Variants in SCGB2B2 observed in about 807,000 individuals in gnomAD.
The protein encoded by SCGB2B2 is secretoglobin family 2B member 2.
SCGB2B2 carries 11 observed loss-of-function variants against 7.6 expected under a neutral mutation model. That is an observed-to-expected ratio of 1.45 (90% CI 0.91 to 2.40). SCGB2B2 has a LOEUF of 2.40. SCGB2B2 is among the 30% of genes most tolerant of loss of function. SCGB2B2 has a pLI of 0.00. For synonymous variants in SCGB2B2, 50 were observed against 48.6 expected, an observed-to-expected ratio of 1.03 and a Z score of -0.12; for missense variants, 104 against 115.4, an observed-to-expected ratio of 0.90 and a Z score of 0.45.
chr19:34,606,918 G>A (rs1014722953), intron 1 of SCGB2B2, among the ~76,000 whole-genome samples: 8 of 152,030 alleles, frequency 5.3e-5, no homozygotes, highest in South Asian at 2.1e-4. Context: ...AGATAAAGGC[G>A]GACTCCTCTC....
At chr19:34,589,174 C>T (rs185383166), downstream of SCGB2B2, among the ~76,000 whole-genome samples, 182 of 152,256 alleles carry the variant, frequency 1.2e-3, 1 homozygote, top group African/African-American at 4.1e-3. Flanking sequence ...AACACTTAGA[C>T]GTACTGCCCA....
At chr19:34,642,163 G>A (rs575769952) in intron 1 of SCGB2B2, among the ~76,000 whole-genome samples, 318 of 152,326 alleles carry the variant, frequency 2.1e-3, no homozygotes, top group Non-Finnish European at 3.8e-3. Flanking sequence ...TTGAGCAGAC[G>A]ATAAAAGATC....
intron 1 of SCGB2B2, 31 bp downstream of exon 1, chr19:34,675,599 C>T (rs2067903231): frequency 6.6e-6 from 1 of 152,296 alleles, no homozygotes; most frequent in African/African-American, 2.4e-5. Flanking sequence ...CAGCCAAAAC[C>T]CACCAAAATC....
chr19:34,641,258 C>G (rs1017513644), intron 1 of SCGB2B2, among the ~76,000 whole-genome samples: 1 of 152,164 alleles, frequency 6.6e-6, no homozygotes, highest in Admixed American at 6.5e-5. Context: ...TGCACTGTAT[C>G]CTGTCAAATC....
intron 1 of SCGB2B2, among the ~76,000 whole-genome samples, chr19:34,668,912 TAAG>T (rs1359932289): frequency 6.6e-6 from 1 of 152,148 alleles, no homozygotes; most frequent in Non-Finnish European, 1.5e-5. Context: ...TGGGGCCAGA[TAAG>T]AGAGTAAAAG....
chr19:34,636,844 C>A (rs553832991), intron 1 of SCGB2B2, among the ~76,000 whole-genome samples: 31 of 152,074 alleles, frequency 2.0e-4, no homozygotes, highest in Non-Finnish European at 4.3e-4. Flanking sequence ...CCAGTCCCCG[C>A]CAGAGTCCCT....
rs1253090640 is a variant in SCGB2B2 at position 34,593,604 on chromosome 19, T to C, written c.247-5A>G. ...GTTGCTCTGAAGGATCTTCTTCTGTTGGAAAAAGAAGAAAGAGAGGAGCCG... is the reference window on the plus strand; with the variant it reads ...GTTGCTCTGAAGGATCTTCTTCTGTCGGAAAAAGAAGAAAGAGAGGAGCCG... On this transcript the variant is annotated splice_region_variant and splice_polypyrimidine_tract_variant and intron_variant, in intron 3 of 3. Coordinates refer to ENST00000601241, the MANE Select transcript of SCGB2B2 (RefSeq NM_001025591.4). 9 of 1,551,904 alleles carry C rather than the reference T, an allele frequency of 5.8e-6. No homozygotes were observed. Among genetic ancestry groups the C allele is most frequent in the Non-Finnish European group, 7.8e-6 (9 of 1,147,182 alleles).
downstream of SCGB2B2, among the ~76,000 whole-genome samples, chr19:34,588,494 T>C (rs906276519): frequency 1.3e-5 from 2 of 152,218 alleles, no homozygotes; most frequent in Non-Finnish European, 2.9e-5. Flanking sequence ...GAAATGCTTC[T>C]TATTGCTATT....
intron 1 of SCGB2B2, among the ~76,000 whole-genome samples, chr19:34,664,030 C>G (rs113832326): frequency 1.3e-5 from 2 of 150,408 alleles, no homozygotes; most frequent in East Asian, 4.0e-4. Context: ...CCACTCAGCA[C>G]GCTGTTGACC....
chr19:34,676,778 A>C lies in SCGB2B2; in HGVS notation c.-3180T>G, dbSNP rs1201472992. On this transcript the variant is annotated 5_prime_UTR_variant, in exon 1 of 4. Coordinates refer to ENST00000601241, the MANE Select transcript of SCGB2B2 (RefSeq NM_001025591.4). ...TATTTATAATTTTAAAAATGATTGA[A>C]GTCAATTAACATTTAAGTGTTAAAA... The C allele has an allele frequency of 2.0e-5, 3 of 152,240 alleles. No individual in the cohort carries two copies. The highest frequency in any genetic ancestry group is 4.4e-5 in the Non-Finnish European group (3 of 68,044). 9.4% of individuals were successfully genotyped at this position (152,240 alleles called of 1,614,324 possible).
At chr19:34,619,676 G>A (rs1226136628) in intron 1 of SCGB2B2, among the ~76,000 whole-genome samples, 1 of 152,164 alleles carries the variant, frequency 6.6e-6, no homozygotes, top group Admixed American at 6.5e-5. Context: ...AATCAGAAAA[G>A]ACTGATTCCC....
intron 1 of SCGB2B2, among the ~76,000 whole-genome samples, chr19:34,600,183 G>A (rs188206041): frequency 2.6e-5 from 4 of 152,226 alleles, no homozygotes; most frequent in East Asian, 1.9e-4. Flanking sequence ...TACAGTAAAC[G>A]TTAATTTTGC....
intron 1 of SCGB2B2, among the ~76,000 whole-genome samples, chr19:34,649,684 A>C (rs1239664687): frequency 2.0e-5 from 3 of 152,116 alleles, no homozygotes; most frequent in Non-Finnish European, 4.4e-5. Flanking sequence ...CCCCGTCTCC[A>C]CTAAAAATAC....
chr19:34,622,618 T>C (rs571229963), intron 1 of SCGB2B2, among the ~76,000 whole-genome samples: 7 of 152,344 alleles, frequency 4.6e-5, no homozygotes, highest in African/African-American at 1.7e-4. Flanking sequence ...TGAAACCCTA[T>C]ATCCCCTTTC....
intron 1 of SCGB2B2, among the ~76,000 whole-genome samples, chr19:34,642,913 C>T (rs1023437013): frequency 1.3e-5 from 2 of 152,030 alleles, no homozygotes; most frequent in Non-Finnish European, 2.9e-5. Flanking sequence ...AACCAACAGA[C>T]GCTAGTGAGG....
Position 34,675,826 on chromosome 19 carries a change from G to A in SCGB2B2, c.-2228C>T, listed in dbSNP as rs2067914105. ...TCATGATTTCGCTGGCTTCAGGAGT[G>A]AAGCTGCAGACCTTCACAGTGAGTG... On this transcript the variant is annotated 5_prime_UTR_variant, in exon 1 of 4. Transcript: ENST00000601241. 6.5e-6 allele frequency: 1 copy of A among 153,818 alleles called. No homozygotes were observed. Among genetic ancestry groups the A allele is most frequent in the Non-Finnish European group, 1.4e-5 (1 of 69,416 alleles). 9.5% of individuals were successfully genotyped at this position (153,818 alleles called of 1,614,324 possible).
chr19:34,629,469 C>T (rs2066468239), intron 1 of SCGB2B2, among the ~76,000 whole-genome samples: 1 of 144,240 alleles, frequency 6.9e-6, no homozygotes, highest in Non-Finnish European at 1.5e-5. Flanking sequence ...TCCTATACAC[C>T]AATAACAGAT....
chr19:34,603,513 G>A (rs528479729), intron 1 of SCGB2B2, among the ~76,000 whole-genome samples: 2 of 152,178 alleles, frequency 1.3e-5, no homozygotes, highest in East Asian at 3.9e-4. Flanking sequence ...CCCAAGCAAA[G>A]CTTTCACAAT....
chr19:34,649,101 T>A (rs1241858060), intron 1 of SCGB2B2, among the ~76,000 whole-genome samples: 1 of 152,074 alleles, frequency 6.6e-6, no homozygotes, highest in Non-Finnish European at 1.5e-5. Flanking sequence ...AGAGACAGGG[T>A]TTCACCATGT....
Sources: gnomAD v4.1 joint callset for allele counts (sites outside exome capture counted in the v4.1 genomes callset) on GRCh38, gnomAD v4.1.1 for gene constraint, MANE v1.5 for transcripts, NCBI Gene and HGNC (gene_info 2026-07-23, HGNC 2026-07-21) for gene names.